MIPOL1: variants seen among roughly 807,000 people sequenced by gnomAD.
MIPOL1 encodes mirror-image polydactyly 1.
A neutral mutation model predicts 60.9 loss-of-function variants in MIPOL1; 57 were observed. That is an observed-to-expected ratio of 0.94 (90% CI 0.76 to 1.17). MIPOL1 has a LOEUF of 1.17. Among genes scored for constraint, MIPOL1 ranks in the 50% most tolerant of loss-of-function variants. The pLI is 0.00. For synonymous variants in MIPOL1, 179 were observed against 168.8 expected, an observed-to-expected ratio of 1.06 and a Z score of -0.47; for missense variants, 551 against 511.6, an observed-to-expected ratio of 1.08 and a Z score of -0.74.
At chr14:37,233,355 T>A (rs899797212) in intron 1 of MIPOL1, among the ~76,000 whole-genome samples, 1 of 152,188 alleles carries the variant, frequency 6.6e-6, no homozygotes, top group African/African-American at 2.4e-5. Context: ...CCTTTAACTT[T>A]TTCAAAAAGT....
At chr14:37,429,360 T>A (rs1013384492) in intron 11 of MIPOL1, among the ~76,000 whole-genome samples, 1 of 152,184 alleles carries the variant, frequency 6.6e-6, no homozygotes, top group Non-Finnish European at 1.5e-5. Flanking sequence ...ATAGGATTTA[T>A]TATACATATT....
intron 10 of MIPOL1, among the ~76,000 whole-genome samples, chr14:37,403,259 T>G (rs2093521621): frequency 6.6e-6 from 1 of 152,136 alleles, no homozygotes; most frequent in Admixed American, 6.5e-5. Flanking sequence ...TCCCTGTAAA[T>G]TACAGAATCT....
intron 9 of MIPOL1, among the ~76,000 whole-genome samples, chr14:37,337,616 C>T (rs1442908174): frequency 6.6e-6 from 1 of 151,542 alleles, no homozygotes; most frequent in Non-Finnish European, 1.5e-5. Flanking sequence ...GATCTGCCTG[C>T]CTCAACCTCC....
chr14:37,498,188 G>C (rs1236577268), intron 11 of MIPOL1, among the ~76,000 whole-genome samples: 1 of 152,046 alleles, frequency 6.6e-6, no homozygotes, highest in Non-Finnish European at 1.5e-5. Context: ...CTTACCTTTT[G>C]GGGAGGGGAA....
chr14:37,318,949 C>T (rs935954110), intron 9 of MIPOL1, among the ~76,000 whole-genome samples: 1 of 152,054 alleles, frequency 6.6e-6, no homozygotes, highest in East Asian at 1.9e-4. Context: ...AGGTGATCCT[C>T]CAACCTCAGC....
At chr14:37,263,825 GAGAT>G (rs1260075731) in intron 3 of MIPOL1, among the ~76,000 whole-genome samples, 1 of 152,178 alleles carries the variant, frequency 6.6e-6, no homozygotes, top group Admixed American at 6.5e-5. Context: ...CCATATGAAA[GAGAT>G]AGAGGAATCA....
chr14:37,371,793 T>C (rs972360131), intron 10 of MIPOL1, among the ~76,000 whole-genome samples: 4 of 152,170 alleles, frequency 2.6e-5, no homozygotes, highest in African/African-American at 9.6e-5. Context: ...AAATTACTCT[T>C]ACCTTCCAGG....
Position 37,349,278 on chromosome 14 carries a change from G to A in MIPOL1, c.829-20239G>A, listed in dbSNP as rs1046905287. Among the ~76,000 whole-genome samples, 13 of 152,146 alleles carry A rather than the reference G, an allele frequency of 8.5e-5. No individual in the cohort carries two copies. The South Asian group carries it at 1.7e-3, about 19-fold the overall frequency. On this transcript the variant is annotated intron_variant, in intron 9 of 12. Coordinates refer to ENST00000684589, the MANE Select transcript of MIPOL1 (RefSeq NM_001388067.1). ...GCTGAGATAACGGGCGTGAGCCACT[G>A]CACCCGGCCACTGTGTCTATTCTTA...
At chr14:37,427,571 A>G (rs892787780) in intron 11 of MIPOL1, among the ~76,000 whole-genome samples, 15 of 152,190 alleles carry the variant, frequency 9.9e-5, no homozygotes, top group African/African-American at 7.2e-5. Context: ...AGTAAATTTT[A>G]TGTTGTCATT....
At chr14:37,284,251 CT>C (rs2084363848) in intron 6 of MIPOL1, among the ~76,000 whole-genome samples, 2 of 152,182 alleles carry the variant, frequency 1.3e-5, no homozygotes, top group East Asian at 3.9e-4. Context: ...TACCCATTTT[CT>C]TTTCTCCCCT....
intron 11 of MIPOL1, among the ~76,000 whole-genome samples, chr14:37,479,043 C>T (rs917044043): frequency 6.6e-6 from 1 of 152,072 alleles, no homozygotes; most frequent in East Asian, 1.9e-4. Context: ...AGATAAATTG[C>T]AACATAATAA....
intron 10 of MIPOL1, chr14:37,399,859 G>A (rs966357509): frequency 3.9e-5 from 6 of 152,126 alleles, no homozygotes; most frequent in African/African-American, 1.4e-4. Flanking sequence ...ATATGGATTT[G>A]TACATTTTCC....
rs2093478047 is a variant in MIPOL1 at position 37,401,370 on chromosome 14, T to C, written c.937-21485T>C. On this transcript the variant is annotated intron_variant, in intron 10 of 12. Transcript: ENST00000684589. ...ACATCTTTGCTCGTGTAAATTTATA[T>C]ACATATGCTAAATATATAGACATAT... is the stretch of plus-strand genomic sequence containing the variant. 2.6e-5 allele frequency: 4 copies of C among 152,264 alleles called. No homozygotes were observed. The South Asian group carries it at 8.3e-4, about 32-fold the overall frequency. 9.4% of individuals were successfully genotyped at this position (152,264 alleles called of 1,614,324 possible).
At chr14:37,373,950 A>G (rs1228130470) in intron 10 of MIPOL1, among the ~76,000 whole-genome samples, 1 of 152,140 alleles carries the variant, frequency 6.6e-6, no homozygotes, top group Non-Finnish European at 1.5e-5. Context: ...ATCCTTGAGG[A>G]ATTACCACAC....
intron 9 of MIPOL1, among the ~76,000 whole-genome samples, chr14:37,312,971 A>G (rs1324798521): frequency 2.0e-5 from 3 of 152,170 alleles, no homozygotes; most frequent in Non-Finnish European, 4.4e-5. Context: ...AAAGATTTTT[A>G]TAGAATTATA....
At chr14:37,296,377 A>C (rs2085682058) in intron 7 of MIPOL1, among the ~76,000 whole-genome samples, 1 of 152,198 alleles carries the variant, frequency 6.6e-6, no homozygotes, top group Admixed American at 6.5e-5. Flanking sequence ...TGACACCCTA[A>C]CATCACAATT....
At chr14:37,286,041 C>T (rs1376114187) in intron 7 of MIPOL1, among the ~76,000 whole-genome samples, 1 of 152,168 alleles carries the variant, frequency 6.6e-6, no homozygotes, top group Admixed American at 6.5e-5. Context: ...TCATATGTGA[C>T]TCCTCTTTTT....
chr14:37,543,127 C>T (rs1378733909), intron 12 of MIPOL1, among the ~76,000 whole-genome samples: 2 of 152,164 alleles, frequency 1.3e-5, no homozygotes, highest in Non-Finnish European at 2.9e-5. Context: ...TCCACCTCAC[C>T]TCATTCTATC....
At chr14:37,405,755 T>C (rs773144876) in intron 10 of MIPOL1, among the ~76,000 whole-genome samples, 10 of 151,988 alleles carry the variant, frequency 6.6e-5, no homozygotes, top group African/African-American at 9.6e-5. Context: ...TAGCCTTGAT[T>C]ATAAATCTTA....
Sources: gnomAD v4.1 joint callset for allele counts (sites outside exome capture counted in the v4.1 genomes callset) on GRCh38, gnomAD v4.1.1 for gene constraint, MANE v1.5 for transcripts, NCBI Gene and HGNC (gene_info 2026-07-23, HGNC 2026-07-21) for gene names.